The following C1QTNF12 variants were observed in gnomAD, a reference collection of about 807,000 sequenced individuals.
C1QTNF12 encodes the protein adipolin.
C1QTNF12 carries 39 observed loss-of-function variants against 34.3 expected under a neutral mutation model. That is an observed-to-expected ratio of 1.14 (90% CI 0.88 to 1.49). The LOEUF (loss-of-function observed/expected upper bound fraction) is 1.49. Among genes scored for constraint, C1QTNF12 ranks in the 40% most tolerant of loss-of-function variants. The pLI, the probability that C1QTNF12 is intolerant of heterozygous loss-of-function variation, is 0.00. For missense variants in C1QTNF12, 497 were observed against 424.7 expected (o/e 1.17, Z -1.50); for synonymous variants, 220 against 196.9 (o/e 1.12, Z -0.98).
Position 1,243,085 on chromosome 1 carries a change from A to G in C1QTNF12, c.708T>C (p.Ile236=). 6.3e-7 allele frequency: 1 copy of G among 1,588,196 alleles called. No individual in the cohort carries two copies. Among genetic ancestry groups the G allele is most frequent in the Non-Finnish European group, 8.6e-7 (1 of 1,168,188 alleles). The change falls in exon 6 of 8, where the codon ATT becomes ATC. Residue 236 remains isoleucine (I), a synonymous_variant. Transcript: ENST00000330388. ...ARDVVCVLIC[I]ESLCQRHTCL... is the part of the protein sequence containing the mutation. ...ACGTGTGGCGCTGGCACAGGGACTCAATACAGATGAGAACACACACCACGT... is the reference window on the plus strand; with the variant it reads ...ACGTGTGGCGCTGGCACAGGGACTCGATACAGATGAGAACACACACCACGT...
intron 7 of C1QTNF12, 46 bp from the exon 8 acceptor site, chr1:1,242,692 A>G: frequency 6.4e-7 from 1 of 1,566,084 alleles, no homozygotes; most frequent in Non-Finnish European, 8.7e-7. Context: ...CAGCCCAGCC[A>G]CTCGGTGGCC....
intron 1 of C1QTNF12, among the ~76,000 whole-genome samples, chr1:1,245,263 C>T (rs1411898859): frequency 5.2e-3 from 18 of 3,462 alleles, no homozygotes; most frequent in African/African-American, 0.03. Context: ...CCCCACCCTA[C>T]CCTCTCCTCC....
rs146575018 is a variant in C1QTNF12 at position 1,244,430 on chromosome 1, G to A, written c.245C>T (p.Pro82Leu). 48 of 1,611,762 alleles carry A rather than the reference G, an allele frequency of 3.0e-5. No individual in the cohort carries two copies. The highest frequency in any genetic ancestry group is 3.8e-5 in the Non-Finnish European group (45 of 1,179,536). Residue 82 changes from proline to leucine, a missense_variant, in exon 2 of 8, where the codon CCG (proline) becomes CTG (leucine). Transcript: ENST00000330388. ...HMTWLNFVRR[P>L]DDGALRKRCG... ...CCGCTTCCTTAAGGCGCCGTCGTCC[G>A]GCCGCCGGACAAAGTTCAGCCATGT...
At chr1:1,242,792 G>C (rs376266798) in intron 7 of C1QTNF12, 43 bp downstream of exon 7, 2 of 1,601,384 alleles carry the variant, frequency 1.2e-6, no homozygotes, top group East Asian at 4.5e-5. Flanking sequence ...GGCCCAGCCC[G>C]AGTGCACCCG....
chr1:1,246,366 G>C lies in C1QTNF12; in HGVS notation c.177+148C>G, dbSNP rs894652586. 28 of 625,960 alleles carry C rather than the reference G, an allele frequency of 4.5e-5. No homozygotes were observed. Among genetic ancestry groups the C allele is most frequent in the Non-Finnish European group, 6.4e-5 (28 of 436,436 alleles). 38.8% of individuals were successfully genotyped at this position (625,960 alleles called of 1,614,324 possible). ...AGGCCGGCCTGGCTGGGCTGCAGCA[G>C]ATTCTCAAGGCGGGACCGTGGCCGA... On this transcript the variant is annotated intron_variant, in intron 1 of 7. Transcript: ENST00000330388. The surrounding 1 kb of genome is among the most constrained non-coding windows in gnomAD (Gnocchi z 4.5).
chr1:1,243,139 C>A lies in C1QTNF12; in HGVS notation c.654G>T (p.Leu218=). ...SASLHVDHSE[L]QGKARLRARD... ...GGGCCCGCAGCCGGGCCTTGCCCTG[C>A]AGCTCACTGTGGTCTGCGGAGAGAG... The change falls in exon 6 of 8, where the codon CTG becomes CTT. Residue 218 remains leucine, a synonymous_variant. Transcript: ENST00000330388. 5 of 1,576,154 alleles carry A rather than the reference C, an allele frequency of 3.2e-6. No homozygotes were observed. In the South Asian group the frequency reaches 4.6e-5, roughly 15 times the overall value.
Position 1,242,990 on chromosome 1 carries a change from C to T in C1QTNF12, c.731+72G>A. On this transcript the variant is annotated intron_variant, in intron 6 of 7. Coordinates refer to ENST00000330388, the MANE Select transcript of C1QTNF12 (RefSeq NM_001014980.3). ...AAGACCTGCTCCAGTGCCCAGAGAC[C>T]CCTGTGGCCTGTGAGCCCCTCCAAG... The T allele has an allele frequency of 6.4e-6, 10 of 1,560,810 alleles. No individual in the cohort carries two copies. In the South Asian group the frequency reaches 1.0e-4, roughly 16 times the overall value.
Position 1,244,255 on chromosome 1 carries a change from T to C in C1QTNF12, c.315A>G (p.Pro105=), listed in dbSNP as rs750020955. 1.4e-4 allele frequency: 224 copies of C among 1,595,814 alleles called. No individual in the cohort carries two copies. Among genetic ancestry groups the C allele is most frequent in the Non-Finnish European group, 1.9e-4 (218 of 1,170,800 alleles). The change falls in exon 3 of 8, where the codon CCA becomes CCG. Residue 105 remains proline, a synonymous_variant. Coordinates refer to ENST00000330388, the MANE Select transcript of C1QTNF12 (RefSeq NM_001014980.3). ...DKKPRDLFGP[P]GPPGAEVTAE... is the part of the protein sequence containing the mutation. ...CGGTCACTTCTGCACCTGGAGGTCC[T>C]GGGGGACCGAAGAGATCCCGCTGGG...
chr1:1,245,497 A>G (rs1435911885), intron 1 of C1QTNF12, among the ~76,000 whole-genome samples: 1 of 151,158 alleles, frequency 6.6e-6, no homozygotes, highest in African/African-American at 2.4e-5. Context: ...TCCAGCCGGC[A>G]CCCTTTGAGG....
In C1QTNF12 at chr1:1,246,442, TG is replaced by T; in HGVS notation, c.177+71del. The T allele has an allele frequency of 5.1e-6, 6 of 1,181,954 alleles. No individual in the cohort carries two copies. The highest frequency in any genetic ancestry group is 6.4e-6 in the Non-Finnish European group (6 of 943,462). 73.2% of individuals were successfully genotyped at this position (1,181,954 alleles called of 1,614,324 possible). On this transcript the variant is annotated intron_variant, in intron 1 of 7. Transcript: ENST00000330388. The surrounding 1 kb of genome is among the most constrained non-coding windows in gnomAD (Gnocchi z 4.5). ...CAGAGCCGGCAGGGACAGAGCCTGC[TG>T]GGGGAGGACGCCCCAGAGCCCCAGC... is the stretch of plus-strand genomic sequence containing the variant.
upstream of C1QTNF12, among the ~76,000 whole-genome samples, chr1:1,247,031 C>G (rs1347750828): frequency 1.3e-5 from 2 of 152,098 alleles, no homozygotes; most frequent in East Asian, 3.9e-4. Flanking sequence ...GCCCCGACGG[C>G]CAGGGACGGA....
At chr1:1,246,786 C>T, upstream of C1QTNF12, 1 of 926,576 alleles carries the variant, frequency 1.1e-6, no homozygotes, top group Non-Finnish European at 1.4e-6. This position sits in a 1 kb window ranked among gnomAD's most constrained non-coding sequence, Gnocchi z 4.5. Flanking sequence ...GGGGGCGAGG[C>T]CCAGGGGCGC....
chr1:1,243,381 G>A lies in C1QTNF12; in HGVS notation c.640+63C>T, dbSNP rs986438305. Reference sequence around the variant, plus strand: ...CCGCACCCGGGGCCGGCGATGCCAGGCGCCCCCAGAAAGCTCAGCCCCAGC... The same window carrying A: ...CCGCACCCGGGGCCGGCGATGCCAGACGCCCCCAGAAAGCTCAGCCCCAGC... On this transcript the variant is annotated intron_variant, in intron 5 of 7. Coordinates refer to ENST00000330388, the MANE Select transcript of C1QTNF12 (RefSeq NM_001014980.3). The A allele has an allele frequency of 7.0e-5, 101 of 1,448,240 alleles. 1 individual carries two copies. The highest frequency in any genetic ancestry group is 6.1e-5 in the South Asian group (5 of 81,564). The allele number at this position is 1,448,240 out of a possible 1,614,324, so 89.7% of individuals were successfully genotyped here.
Position 1,243,811 on chromosome 1 carries a change from C to G in C1QTNF12, c.531+143G>C, listed in dbSNP as rs908140849. The G allele has an allele frequency of 7.4e-6, 9 of 1,208,256 alleles. No individual in the cohort carries two copies. In the South Asian group the frequency reaches 1.2e-4, roughly 16 times the overall value. 74.8% of individuals were successfully genotyped at this position (1,208,256 alleles called of 1,614,324 possible). A position where few individuals can be genotyped will look rare whatever the true frequency, so the allele number is the denominator to read the frequency against. Reference sequence around the variant, plus strand: ...GCCCCCAGGGCCTCCCAACCCTGACCCGAGGCAGCCCCTCGCCCTCCGAGC... The same window carrying G: ...GCCCCCAGGGCCTCCCAACCCTGACGCGAGGCAGCCCCTCGCCCTCCGAGC... On this transcript the variant is annotated intron_variant, in intron 4 of 7. Transcript: ENST00000330388.
At chr1:1,243,186 G>C (rs757929791) in intron 5 of C1QTNF12, 34 bp from the exon 6 acceptor site, 1 of 1,168,268 alleles carries the variant, frequency 8.6e-7, no homozygotes, top group South Asian at 1.4e-5. Flanking sequence ...GTGGTGCATG[G>C]GGGGCGGGGT....
chr1:1,243,266 G>A (rs1371162621), intron 5 of C1QTNF12, 114 bp from the exon 6 acceptor site: 5 of 1,046,240 alleles, frequency 4.8e-6, no homozygotes, highest in South Asian at 1.6e-5. Flanking sequence ...CTGGGGCTGG[G>A]GAGGGGGCGC....
Position 1,242,604 on chromosome 1 carries a change from C to G in C1QTNF12, c.853G>C (p.Ala285Pro), listed in dbSNP as rs1303483832. The G allele has an allele frequency of 6.3e-7, 1 of 1,594,780 alleles. No homozygotes were observed. The highest frequency in any genetic ancestry group is 1.1e-5 in the South Asian group (1 of 88,412). Residue 285 changes from alanine (A) to proline (P), a missense_variant, in exon 8 of 8, where the codon GCC becomes CCC. Ala to Pro is a conservative substitution (Grantham distance 27, BLOSUM62 -1). Coordinates refer to ENST00000330388, the MANE Select transcript of C1QTNF12 (RefSeq NM_001014980.3). ...GAGCCCGCCTGGATGGTGAGGACGG[C>G]CCCGGAGCCATTGTCCACAAACACA... ...ASVFVDNGSG[A>P]VLTIQAGSSF...
chr1:1,243,466 C>G lies in C1QTNF12; in HGVS notation c.618G>C (p.Gln206His), dbSNP rs940787800. 26 of 1,558,362 alleles carry G rather than the reference C, an allele frequency of 1.7e-5. No homozygotes were observed. Among genetic ancestry groups the G allele is most frequent in the Non-Finnish European group, 2.2e-5 (25 of 1,151,182 alleles). The change falls in exon 5 of 8, where the codon CAG becomes CAC. Residue 206 changes from glutamine to histidine, a missense_variant. Physicochemically the swap from Gln to His is conservative, Grantham distance 24. Coordinates refer to ENST00000330388, the MANE Select transcript of C1QTNF12 (RefSeq NM_001014980.3). ...RFTAPVSGIF[Q>H]FSASLHVDHS... is the part of the protein sequence containing the mutation. ...CACCCACGTGCAGACTGGCAGAGAACTGGAAGATGCCGGACACGGGGGCCG... is the reference window on the plus strand; with the variant it reads ...CACCCACGTGCAGACTGGCAGAGAAGTGGAAGATGCCGGACACGGGGGCCG...
Position 1,243,075 on chromosome 1 carries a change from A to T in C1QTNF12, c.718T>A (p.Cys240Ser). 6.3e-7 allele frequency: 1 copy of T among 1,584,376 alleles called. No homozygotes were observed. The highest frequency in any genetic ancestry group is 1.1e-5 in the South Asian group (1 of 87,148). ...VCVLICIESL[C>S]QRHTCLEAVS... Reference sequence around the variant, plus strand: ...GAGGTCACTCACGTGTGGCGCTGGCACAGGGACTCAATACAGATGAGAACA... The same window carrying T: ...GAGGTCACTCACGTGTGGCGCTGGCTCAGGGACTCAATACAGATGAGAACA... The change falls in exon 6 of 8, where the codon TGC becomes AGC. Residue 240 changes from cysteine (C) to serine (S), a missense_variant. Physicochemically the swap from Cys to Ser is moderately radical, Grantham distance 112. Transcript: ENST00000330388.
Sources: gnomAD v4.1 joint callset for allele counts (sites outside exome capture counted in the v4.1 genomes callset) on GRCh38, gnomAD v4.1.1 for gene constraint, Gnocchi (gnomAD v3.1) non-coding constraint, MANE v1.5 for transcripts, NCBI Gene and HGNC (gene_info 2026-07-23, HGNC 2026-07-21) for gene names.